VGLL1: variants seen among roughly 807,000 people sequenced by gnomAD.
VGLL1 encodes vestigial like family member 1.
VGLL1 carries 4 observed loss-of-function variants against 12.0 expected under a neutral mutation model. The ratio of observed to expected loss-of-function variants is 0.33; its 90% confidence interval spans 0.16 to 0.76. The LOEUF (loss-of-function observed/expected upper bound fraction) is 0.76. VGLL1 is among the 30% of genes least tolerant of loss of function. The pLI is 0.60. For missense variants in VGLL1, 204 were observed against 208.7 expected, an observed-to-expected ratio of 0.98 and a Z score of 0.14; for synonymous variants, 87 against 81.2, an observed-to-expected ratio of 1.07 and a Z score of -0.39.
Position 136,556,400 on chromosome X carries a change from CT to C in VGLL1, c.689-49del, listed in dbSNP as rs199963506. Reference sequence around the variant, plus strand: ...CTGGACCCTGGAGGAGACTTACAGCCTTCCATAGGGGCCTAACTGGCTTTCA... The same window carrying C: ...CTGGACCCTGGAGGAGACTTACAGCCTCCATAGGGGCCTAACTGGCTTTCA... On this transcript the variant is annotated intron_variant, in intron 4 of 4. Transcript: ENST00000370634. 2,945 of 1,079,620 alleles carry C rather than the reference CT, an allele frequency of 2.7e-3. 42 individuals carry two copies. In the African/African-American group the frequency reaches 0.045, roughly 16 times the overall value. The allele number at this position is 1,079,620 out of a possible 1,213,427, so 89.0% of individuals were successfully genotyped here. A position where few individuals can be genotyped will look rare whatever the true frequency, so the allele number is the denominator to read the frequency against.
At chrX:136,554,604 A>G (rs1211117990) in intron 4 of VGLL1, among the ~76,000 whole-genome samples, 2 of 112,003 alleles carry the variant, frequency 1.8e-5, no homozygotes, top group African/African-American at 3.3e-5. Context: ...TAGAGGACAC[A>G]TTGGAGAAAG....
chrX:136,539,030 A>G (rs979589857), intron 2 of VGLL1, among the ~76,000 whole-genome samples: 25 of 111,606 alleles, frequency 2.2e-4, no homozygotes, highest in Admixed American at 1.9e-3. Flanking sequence ...GAGCTGAGAA[A>G]TGTGGTGTGT....
intron 2 of VGLL1, among the ~76,000 whole-genome samples, chrX:136,538,885 A>G (rs2285180): frequency 0.21 from 20,385 of 98,975 alleles, 2,334 homozygotes; most frequent in African/African-American, 0.41. Flanking sequence ...GAAATGATGT[A>G]GAGCTTGCTG....
chrX:136,540,381 C>T lies in VGLL1; in HGVS notation c.214+4147C>T, dbSNP rs994384675. On this transcript the variant is annotated intron_variant, in intron 2 of 4. Transcript: ENST00000370634. ...TAAACTATGCCAAGGACAATCCTGC[C>T]TCAGGCCTGCCCTTTGCACATGGTC... Among the ~76,000 whole-genome samples the T allele has an allele frequency of 2.7e-5, 3 of 111,246 alleles. No individual in the cohort carries two copies. In the Admixed American group the frequency reaches 2.9e-4, roughly 11 times the overall value.
rs1218674787 is a variant in VGLL1, at chrX:136,548,887, C to G, written c.513C>G (p.Leu171=). The change falls in exon 3 of 5, where the codon CTC becomes CTG. Residue 171 remains leucine (L), a synonymous_variant. Transcript: ENST00000370634. ...PDGKREPLLS[L]LQQDRCLARP... ...GGAAACGTGAGCCTCTCCTAAGTCT[C>G]CTCCAGCAAGACAGATGCCTAGCCC... is the stretch of plus-strand genomic sequence containing the variant. 1 of 1,210,708 alleles carries G rather than the reference C, an allele frequency of 8.3e-7. No homozygotes were observed. Among genetic ancestry groups the G allele is most frequent in the Non-Finnish European group, 1.1e-6 (1 of 895,382 alleles).
intron 2 of VGLL1, among the ~76,000 whole-genome samples, chrX:136,538,904 G>GTAGA (rs1489798224): frequency 1.8e-5 from 2 of 108,814 alleles, no homozygotes; most frequent in Non-Finnish European, 3.8e-5. Context: ...TGTTAAAATG[G>GTAGA]GCAGGAGGGG....
intron 2 of VGLL1, among the ~76,000 whole-genome samples, chrX:136,539,974 C>A (rs1569360591): frequency 1.8e-5 from 2 of 111,683 alleles, no homozygotes; most frequent in Admixed American, 1.9e-4. Context: ...CACATCCAAT[C>A]CTTTTGGAAA....
rs949948343 is a variant in VGLL1, at chrX:136,548,747, G to T, written c.373G>T (p.Val125Phe). 2.5e-6 allele frequency: 3 copies of T among 1,210,528 alleles called. No homozygotes were observed. Among genetic ancestry groups the T allele is most frequent in the Admixed American group, 4.4e-5 (2 of 45,881 alleles). The change falls in exon 3 of 5, where the codon GTT becomes TTT. Residue 125 changes from valine (V) to phenylalanine (F), a missense_variant. Transcript: ENST00000370634. ...ACCGTCCCTGGCTAGGAGGGCCTCTGTTCGGCCTGGGGAGCTGTGGCATTT... is the reference window on the plus strand; with the variant it reads ...ACCGTCCCTGGCTAGGAGGGCCTCTTTTCGGCCTGGGGAGCTGTGGCATTT... ...FSPSLARRAS[V>F]RPGELWHFSS...
intron 2 of VGLL1, among the ~76,000 whole-genome samples, chrX:136,540,910 T>G (rs770196550): frequency 8.0e-5 from 9 of 112,026 alleles, no homozygotes; most frequent in South Asian, 3.7e-4. Context: ...ATATCACTTC[T>G]CCTCTCTGTG....
At position 136,548,784 on chromosome X, in the gene VGLL1, C is replaced by T. The variant is rs779081962; in HGVS notation, c.410C>T (p.Ala137Val). 4 of 1,212,134 alleles carry T rather than the reference C, an allele frequency of 3.3e-6. No homozygotes were observed. In the East Asian group the frequency reaches 1.2e-4, roughly 36 times the overall value. ...GAGCTGTGGCATTTCTCCTCCCTGG[C>T]GGGCACCAGCTCCTTAGAGCCTGGC... ...PGELWHFSSL[A>V]GTSSLEPGYS... Residue 137 changes from alanine to valine, a missense_variant, in exon 3 of 5, where the codon GCG (alanine) becomes GTG (valine). Coordinates refer to ENST00000370634, the MANE Select transcript of VGLL1 (RefSeq NM_016267.4).
chrX:136,548,447 A>G (rs2075875487), intron 2 of VGLL1, 142 bp from the exon 3 acceptor site: 1 of 643,125 alleles, frequency 1.6e-6, no homozygotes, highest in Non-Finnish European at 2.3e-6. Context: ...CTGTTTCTGG[A>G]TATTATCATT....
chrX:136,553,822 C>T (rs1164711515), intron 4 of VGLL1, among the ~76,000 whole-genome samples: 1 of 111,531 alleles, frequency 9.0e-6, no homozygotes, highest in African/African-American at 3.3e-5. Flanking sequence ...GAAGCAGGGG[C>T]ATGTGGAGCA....
chrX:136,547,766 A>C (rs113421823), intron 2 of VGLL1, among the ~76,000 whole-genome samples: 1 of 111,974 alleles, frequency 8.9e-6, no homozygotes, highest in Admixed American at 9.5e-5. Flanking sequence ...AATCAAGCAC[A>C]TTTACTTCCA....
chrX:136,537,682 C>T (rs745676996), intron 2 of VGLL1, among the ~76,000 whole-genome samples: 3 of 110,799 alleles, frequency 2.7e-5, no homozygotes, highest in Admixed American at 9.6e-5. Flanking sequence ...GCCTTAGCCT[C>T]GCAAGTAGCT....
chrX:136,551,087 C>A lies in VGLL1; in HGVS notation c.688+266C>A, dbSNP rs746963962. The stretch of plus-strand genomic sequence containing the variant: ...CTCTCCTTAGTTTCTTTTTTCTTTT[C>A]TTTCTTTCTTTTTTTTTTAACCTGA... On this transcript the variant is annotated intron_variant, in intron 4 of 4. Coordinates refer to ENST00000370634, the MANE Select transcript of VGLL1 (RefSeq NM_016267.4). The A allele has an allele frequency of 6.7e-4, 192 of 287,299 alleles. 1 individual carries two copies. The highest frequency in any genetic ancestry group is 7.1e-4 in the Non-Finnish European group (118 of 166,793). The allele number at this position is 287,299 out of a possible 1,213,427, so 23.7% of individuals were successfully genotyped here.
intron 3 of VGLL1, 169 bp from the exon 4 acceptor site, chrX:136,550,599 C>T: frequency 7.3e-6 from 3 of 412,241 alleles, no homozygotes; most frequent in Non-Finnish European, 4.2e-6. Flanking sequence ...AGGTGGTGGA[C>T]CTTTAAAACA....
In VGLL1 at chrX:136,548,520, A is replaced by T. The variant is rs757242450; in HGVS notation, c.215-69A>T. ...AGTTAAAAAAAATAGAGTATGTATT[A>T]AAAAAAAAACTACATCCATTTTGAA... On this transcript the variant is annotated intron_variant, in intron 2 of 4. Transcript: ENST00000370634. The T allele has an allele frequency of 1.7e-4, 167 of 955,893 alleles. No individual in the cohort carries two copies. The South Asian group carries it at 3.8e-3, about 22-fold the overall frequency. 78.8% of individuals were successfully genotyped at this position (955,893 alleles called of 1,213,427 possible).
At chrX:136,542,023 T>C (rs2075857619) in intron 2 of VGLL1, among the ~76,000 whole-genome samples, 1 of 110,339 alleles carries the variant, frequency 9.1e-6, no homozygotes, top group South Asian at 3.9e-4. Context: ...CCCTGTGTTC[T>C]TCTTGTCCTG....
rs767460688 is a variant in VGLL1, at chrX:136,535,998, G to A, written c.-23G>A. Reference sequence around the variant, plus strand: ...GACATTTTGCCTTTGGTCCACAGCTGTCACCTGTGTCATTCACTCACAATG... The same window carrying A: ...GACATTTTGCCTTTGGTCCACAGCTATCACCTGTGTCATTCACTCACAATG... On this transcript the variant is annotated splice_region_variant and 5_prime_UTR_variant, in exon 2 of 5. Transcript: ENST00000370634. 6.7e-6 allele frequency: 8 copies of A among 1,200,833 alleles called. No homozygotes were observed. The highest frequency in any genetic ancestry group is 9.0e-6 in the Non-Finnish European group (8 of 886,998).
Sources: gnomAD v4.1 joint callset for allele counts (sites outside exome capture counted in the v4.1 genomes callset) on GRCh38, gnomAD v4.1.1 for gene constraint, MANE v1.5 for transcripts, NCBI Gene and HGNC (gene_info 2026-07-23, HGNC 2026-07-21) for gene names.